Variants in FARS2 observed in about 807,000 individuals in gnomAD.
FARS2 encodes the protein phenylalanine--tRNA ligase, mitochondrial.
FARS2 carries 40 observed loss-of-function variants against 46.4 expected under a neutral mutation model. The ratio of observed to expected loss-of-function variants is 0.86; its 90% CI spans 0.67 to 1.12. FARS2 has a LOEUF of 1.12. Ranked by LOEUF, FARS2 falls within the 50% of genes most tolerant of loss-of-function variation. FARS2 has a pLI of 0.00. For missense variants in FARS2, 513 were observed against 567.9 expected (o/e 0.90, Z 0.98); for synonymous variants, 234 against 214.9 (o/e 1.09, Z -0.78).
intron 2 of FARS2, among the ~76,000 whole-genome samples, chr6:5,387,493 T>A (rs1760210562): frequency 6.6e-6 from 1 of 152,210 alleles, no homozygotes; most frequent in Non-Finnish European, 1.5e-5. Flanking sequence ...TTTTCCCCAG[T>A]TGAAAGTAGC....
At chr6:5,525,530 T>C (rs972182643) in intron 4 of FARS2, among the ~76,000 whole-genome samples, 1 of 152,212 alleles carries the variant, frequency 6.6e-6, no homozygotes, top group African/African-American at 2.4e-5. Flanking sequence ...CTGATTACCG[T>C]AGCTTCATAA....
chr6:5,541,667 C>T (rs1331470095), intron 4 of FARS2, among the ~76,000 whole-genome samples: 2 of 151,918 alleles, frequency 1.3e-5, no homozygotes, highest in African/African-American at 2.4e-5. Flanking sequence ...GGGTCCTGAT[C>T]CACACCCCAA....
At chr6:5,595,919 T>G (rs892783566) in intron 5 of FARS2, among the ~76,000 whole-genome samples, 5 of 152,102 alleles carry the variant, frequency 3.3e-5, no homozygotes, top group African/African-American at 1.2e-4. Flanking sequence ...CTGAGTGACC[T>G]CCCCCTTAGA....
In FARS2 at chr6:5,727,493, C is replaced by T. The variant is rs140267513; in HGVS notation, c.1218-43798C>T. On this transcript the variant is annotated intron_variant, in intron 6 of 6. Coordinates refer to ENST00000274680, the MANE Select transcript of FARS2 (RefSeq NM_006567.5). This position sits in a 1 kb window ranked among gnomAD's most constrained non-coding sequence, Gnocchi z 4.1. ...AATAAAATGCCACGCTAGCGGGTTT[C>T]GGGTAACTGAAGAAAGTGCATTCCG... 9.2e-5 allele frequency among the ~76,000 whole-genome samples: 14 copies of T among 152,274 alleles called. No individual in the cohort carries two copies. In the East Asian group the frequency reaches 1.5e-3, roughly 17 times the overall value.
chr6:5,629,395 A>C (rs140849519), intron 6 of FARS2, among the ~76,000 whole-genome samples: 148 of 152,308 alleles, frequency 9.7e-4, no homozygotes, highest in African/African-American at 3.3e-3. Flanking sequence ...TTGAAAAACA[A>C]ATAGGAATTT....
At chr6:5,333,153 A>G (rs1310241538) in intron 1 of FARS2, among the ~76,000 whole-genome samples, 2 of 152,204 alleles carry the variant, frequency 1.3e-5, no homozygotes, top group African/African-American at 2.4e-5. Flanking sequence ...GTGAAATTAG[A>G]AAACTAAAAG....
chr6:5,471,468 A>G lies in FARS2; in HGVS notation c.904+40296A>G, dbSNP rs113464282. 3.9e-5 allele frequency among the ~76,000 whole-genome samples: 6 copies of G among 152,256 alleles called. No homozygotes were observed. Among genetic ancestry groups the G allele is most frequent in the Non-Finnish European group, 8.8e-5 (6 of 68,014 alleles). Reference sequence around the variant, plus strand: ...ACCAAAGGGAAACTCCAGGACTTTTAATTTCCTCTTGAATAATTCCTTTAA... The same window carrying G: ...ACCAAAGGGAAACTCCAGGACTTTTGATTTCCTCTTGAATAATTCCTTTAA... On this transcript the variant is annotated intron_variant, in intron 4 of 6. Coordinates refer to ENST00000274680, the MANE Select transcript of FARS2 (RefSeq NM_006567.5). This position sits in a 1 kb window ranked among gnomAD's most constrained non-coding sequence, Gnocchi z 4.1.
intron 1 of FARS2, among the ~76,000 whole-genome samples, chr6:5,282,010 G>A (rs1413738696): frequency 1.3e-5 from 2 of 152,282 alleles, no homozygotes; most frequent in Non-Finnish European, 2.9e-5. Flanking sequence ...AGTCTGCACT[G>A]AGAAGGCAAA....
intron 6 of FARS2, among the ~76,000 whole-genome samples, chr6:5,721,974 TA>T (rs1316399995): frequency 2.0e-5 from 3 of 152,354 alleles, no homozygotes; most frequent in Middle Eastern, 3.4e-3. Context: ...ACACAGAATA[TA>T]AAAAAGGCAT....
intron 1 of FARS2, among the ~76,000 whole-genome samples, chr6:5,364,840 T>C (rs906727883): frequency 1.3e-5 from 2 of 152,156 alleles, no homozygotes; most frequent in African/African-American, 4.8e-5. Flanking sequence ...GAGACCAGCC[T>C]GGGCAATGTG....
At position 5,480,366 on chromosome 6, in the gene FARS2, G is replaced by A. The variant is rs529472690; in HGVS notation, c.904+49194G>A. On this transcript the variant is annotated intron_variant, in intron 4 of 6. Coordinates refer to ENST00000274680, the MANE Select transcript of FARS2 (RefSeq NM_006567.5). ...ATATGAGTTAACTTATAATAAGGCT[G>A]TTGAAAAATGCAGGCAATATTATAG... 1.8e-4 allele frequency among the ~76,000 whole-genome samples: 28 copies of A among 152,322 alleles called. No individual in the cohort carries two copies. In the South Asian group the frequency reaches 5.8e-3, roughly 32 times the overall value.
chr6:5,615,014 C>CT (rs1440266446), intron 6 of FARS2, among the ~76,000 whole-genome samples: 1 of 152,124 alleles, frequency 6.6e-6, no homozygotes, highest in Non-Finnish European at 1.5e-5. Flanking sequence ...CATACTTGAT[C>CT]TTTTTGCTTT....
intron 1 of FARS2, among the ~76,000 whole-genome samples, chr6:5,357,631 TAAAA>T (rs1356528449): frequency 1.3e-5 from 2 of 152,200 alleles, no homozygotes; most frequent in African/African-American, 4.8e-5. Flanking sequence ...TGTTTTGACT[TAAAA>T]AGAAATTTTA....
At chr6:5,752,875 A>AC (rs552160498) in intron 6 of FARS2, among the ~76,000 whole-genome samples, 3,895 of 151,188 alleles carry the variant, frequency 0.026, 66 homozygotes, top group Non-Finnish European at 0.04. Flanking sequence ...CCTCCCCAAG[A>AC]CCCCCCCCAG....
At chr6:5,345,893 G>A (rs1337496812) in intron 1 of FARS2, among the ~76,000 whole-genome samples, 1 of 152,168 alleles carries the variant, frequency 6.6e-6, no homozygotes, top group Non-Finnish European at 1.5e-5. Flanking sequence ...TGTTTCTGAA[G>A]CATTTTGTCC....
At chr6:5,277,031 G>C (rs1030111665) in intron 1 of FARS2, among the ~76,000 whole-genome samples, 8 of 152,178 alleles carry the variant, frequency 5.3e-5, no homozygotes, top group African/African-American at 1.9e-4. Flanking sequence ...TTTTCTCCCT[G>C]TGGTGTTTAA....
intron 6 of FARS2, among the ~76,000 whole-genome samples, chr6:5,717,411 A>C (rs1582822439): frequency 1.5e-5 from 2 of 133,978 alleles, no homozygotes; most frequent in Non-Finnish European, 3.2e-5. Flanking sequence ...CTCTCTCACA[A>C]CCCCCTCTCT....
At chr6:5,751,280 T>G (rs1761931571) in intron 6 of FARS2, among the ~76,000 whole-genome samples, 1 of 152,204 alleles carries the variant, frequency 6.6e-6, no homozygotes, top group South Asian at 2.1e-4. Flanking sequence ...CATCTACTTT[T>G]AGTTGATCAG....
chr6:5,563,736 A>G (rs183373680), intron 5 of FARS2, among the ~76,000 whole-genome samples: 38 of 152,334 alleles, frequency 2.5e-4, no homozygotes, highest in Admixed American at 2.4e-3. Context: ...GTGAGAAGAA[A>G]CAATTTGAGT....
Sources: allele counts gnomAD v4.1 joint callset (sites outside exome capture counted in the v4.1 genomes callset), GRCh38; gene constraint gnomAD v4.1.1; non-coding constraint Gnocchi (gnomAD v3.1); transcripts MANE v1.5; gene names NCBI Gene and HGNC (gene_info 2026-07-23, HGNC 2026-07-21).